Variants in GTF2H1 observed in about 807,000 individuals in gnomAD.
The protein encoded by GTF2H1 is general transcription factor IIH subunit 1, also known as BTF2 p62.
A neutral mutation model predicts 71.2 loss-of-function variants in GTF2H1; 16 were observed. The observed-to-expected ratio is 0.22, with a 90% CI of 0.15 to 0.34. GTF2H1 has a LOEUF of 0.34. GTF2H1 is among the 10% of genes least tolerant of loss of function. The pLI is 1.00. For missense variants in GTF2H1, 498 were observed against 648.2 expected, an observed-to-expected ratio of 0.77 and a Z score of 2.52; for synonymous variants, 215 against 219.0, an observed-to-expected ratio of 0.98 and a Z score of 0.16.
intron 14 of GTF2H1, among the ~76,000 whole-genome samples, chr11:18,362,475 A>C (rs949662116): frequency 6.6e-6 from 1 of 152,142 alleles, no homozygotes; most frequent in Non-Finnish European, 1.5e-5. Context: ...TTAGCTTACT[A>C]TAACATTTTT....
chr11:18,325,942 T>C (rs1055322709), intron 1 of GTF2H1: 3 of 152,208 alleles, frequency 2.0e-5, no homozygotes, highest in African/African-American at 7.2e-5. Context: ...CTATGGCTCT[T>C]ATAGAGTTCT....
At chr11:18,358,921 A>G (rs185910741) in intron 13 of GTF2H1, among the ~76,000 whole-genome samples, 1 of 152,340 alleles carries the variant, frequency 6.6e-6, no homozygotes, top group East Asian at 1.9e-4. Flanking sequence ...CCCAAAACAA[A>G]TTACATCAAT....
rs143414967 is a variant in GTF2H1 at position 18,335,658 on chromosome 11, A to G, written c.155-96A>G. The G allele has an allele frequency of 8.3e-5, 72 of 865,128 alleles. 1 individual carries two copies. In the African/African-American group the frequency reaches 1.0e-3, roughly 12 times the overall value. 53.6% of individuals were successfully genotyped at this position (865,128 alleles called of 1,614,324 possible). A position where few individuals can be genotyped will look rare whatever the true frequency, so the allele number is the denominator to read the frequency against. ...ATTGGAATAGGGCAGTTAAAGCCCA[A>G]AGGAATCCTGAATCATCTTGGGAGA... On this transcript the variant is annotated intron_variant, in intron 2 of 14. Coordinates refer to ENST00000265963, the MANE Select transcript of GTF2H1 (RefSeq NM_005316.4).
chr11:18,361,652 CAGTG>C (rs1264842612), intron 14 of GTF2H1, among the ~76,000 whole-genome samples: 2 of 152,090 alleles, frequency 1.3e-5, no homozygotes, highest in Non-Finnish European at 2.9e-5. Context: ...CTGGGTGACA[CAGTG>C]AGACTCTGTC....
intron 11 of GTF2H1, among the ~76,000 whole-genome samples, chr11:18,357,649 T>C (rs1418556149): frequency 6.6e-6 from 1 of 152,052 alleles, no homozygotes; most frequent in Non-Finnish European, 1.5e-5. Flanking sequence ...GTGGTAAGAG[T>C]TCTCATATTA....
intron 3 of GTF2H1, 65 bp downstream of exon 3, chr11:18,336,011 A>G: frequency 8.6e-7 from 1 of 1,157,314 alleles, no homozygotes; most frequent in Non-Finnish European, 1.2e-6. Context: ...TAGTATGCTA[A>G]TAGCTTGTTA....
At chr11:18,364,237 A>G (rs937549542) in intron 14 of GTF2H1, among the ~76,000 whole-genome samples, 3 of 152,162 alleles carry the variant, frequency 2.0e-5, no homozygotes, top group Non-Finnish European at 4.4e-5. Context: ...ATAATGATAA[A>G]CAGGTATGGC....
At chr11:18,337,436 C>T (rs767485343) in intron 3 of GTF2H1, among the ~76,000 whole-genome samples, 5 of 151,854 alleles carry the variant, frequency 3.3e-5, no homozygotes, top group Non-Finnish European at 7.4e-5. Flanking sequence ...CAGAGCGAGA[C>T]TCCATCTCAA....
At chr11:18,335,458 C>G (rs772712121) in intron 2 of GTF2H1, among the ~76,000 whole-genome samples, 1 of 152,152 alleles carries the variant, frequency 6.6e-6, no homozygotes, top group African/African-American at 2.4e-5. Flanking sequence ...GAGGTCTGCC[C>G]TGCCCTAGTT....
chr11:18,347,542 A>G (rs1180880880), intron 7 of GTF2H1, 46 bp from the exon 8 acceptor site: 2 of 1,432,710 alleles, frequency 1.4e-6, no homozygotes, highest in South Asian at 2.9e-5. Flanking sequence ...TATAATAAGA[A>G]AAGCAGAACC....
chr11:18,324,860 T>C (rs1285439755), intron 1 of GTF2H1, among the ~76,000 whole-genome samples: 1 of 152,226 alleles, frequency 6.6e-6, no homozygotes, highest in African/African-American at 2.4e-5. Flanking sequence ...CTGTCGCATT[T>C]TCCTCCTGCC....
In GTF2H1 at chr11:18,347,581, C is replaced by G; in HGVS notation, c.838-7C>G. ...TTAAAAAATTTTTAATCTATTATTT[C>G]TCACAGGGCTATGGCATTTCCTCTG... On this transcript the variant is annotated splice_polypyrimidine_tract_variant and splice_region_variant and intron_variant, in intron 7 of 14. Coordinates refer to ENST00000265963, the MANE Select transcript of GTF2H1 (RefSeq NM_005316.4). 1 of 1,571,512 alleles carries G rather than the reference C, an allele frequency of 6.4e-7. No homozygotes were observed. The highest frequency in any genetic ancestry group is 8.6e-7 in the Non-Finnish European group (1 of 1,161,432).
Position 18,365,784 on chromosome 11 carries a change from T to C in GTF2H1, c.1562T>C (p.Leu521Ser). The change falls in exon 15 of 15, where the codon TTG becomes TCG. Residue 521 changes from leucine to serine, a missense_variant and splice_region_variant. Around this residue, in one of 3 missense-constraint regions of GTF2H1, gnomAD observed 266 missense variants for 301.6 expected, o/e 0.88. Transcript: ENST00000265963. Reference sequence around the variant, plus strand: ...TAAGTGTCTTGCTGTGTTTTTCAGTTGGTAAGTCACATAGAAGAGATGCTC... The same window carrying C: ...TAAGTGTCTTGCTGTGTTTTTCAGTCGGTAAGTCACATAGAAGAGATGCTC... ...KIRRQYLSTN[L>S]VSHIEEMLQT... 1.2e-6 allele frequency: 2 copies of C among 1,610,010 alleles called. No individual in the cohort carries two copies.
chr11:18,354,537 TCCTCC>T, intron 11 of GTF2H1, among the ~76,000 whole-genome samples: 1 of 152,144 alleles, frequency 6.6e-6, no homozygotes, highest in Admixed American at 6.5e-5. Flanking sequence ...ACTCAAGCAA[TCCTCC>T]TGCCTCAGCC....
At chr11:18,343,635 T>C (rs1264148065) in intron 7 of GTF2H1, among the ~76,000 whole-genome samples, 1 of 152,216 alleles carries the variant, frequency 6.6e-6, no homozygotes, top group African/African-American at 2.4e-5. Context: ...TGAATAACCA[T>C]AGTCTGTCTT....
chr11:18,351,068 A>C (rs1480850906), intron 9 of GTF2H1, among the ~76,000 whole-genome samples: 1 of 152,168 alleles, frequency 6.6e-6, no homozygotes, highest in African/African-American at 2.4e-5. Flanking sequence ...TTGTTAAAAG[A>C]AACTTAGATT....
intron 7 of GTF2H1, among the ~76,000 whole-genome samples, chr11:18,343,753 A>G (rs914849558): frequency 1.3e-5 from 2 of 152,190 alleles, no homozygotes; most frequent in African/African-American, 4.8e-5. Context: ...TCATAAACGT[A>G]TCTCCATGGG....
At chr11:18,330,906 G>A (rs1314022654) in intron 1 of GTF2H1, among the ~76,000 whole-genome samples, 1 of 152,166 alleles carries the variant, frequency 6.6e-6, no homozygotes, top group Admixed American at 6.5e-5. Flanking sequence ...AGCCTGTAAA[G>A]ACCTATAAAA....
In GTF2H1 at chr11:18,358,051, C is replaced by T. The variant is rs762960703; in HGVS notation, c.1351+9C>T. ...ACAGCAAGCCATAAACCGTATGTGC[C>T]GGGCCATCTTCTACTACTTTCTGCC... is the stretch of plus-strand genomic sequence containing the variant. On this transcript the variant is annotated intron_variant, in intron 12 of 14. Transcript: ENST00000265963. 9 of 1,594,638 alleles carry T rather than the reference C, an allele frequency of 5.6e-6. No individual in the cohort carries two copies. In the Admixed American group the frequency reaches 6.7e-5, roughly 12 times the overall value.
Sources: allele counts gnomAD v4.1 joint callset (sites outside exome capture counted in the v4.1 genomes callset), GRCh38; gene constraint gnomAD v4.1.1; regional missense constraint gnomAD v4.1.1; transcripts MANE v1.5; gene names NCBI Gene and HGNC (gene_info 2026-07-23, HGNC 2026-07-21).